The following RPL26L1 variants were observed in gnomAD, a reference collection of about 807,000 sequenced individuals.
RPL26L1 encodes the protein ribosomal protein L26 like 1.
RPL26L1 carries 8 observed loss-of-function variants against 15.2 expected under a neutral mutation model. The observed-to-expected ratio is 0.53, with a 90% CI of 0.31 to 0.95. The LOEUF (loss-of-function observed/expected upper bound fraction) is 0.95, where lower values mean the gene tolerates loss of function less well. Ranked by LOEUF, RPL26L1 falls within the 40% of genes least tolerant of loss-of-function variation. The probability of loss-of-function intolerance (pLI) is 0.05; values close to 1 mark genes in which losing one functional copy is unlikely to be tolerated. For synonymous variants in RPL26L1, 51 were observed against 65.9 expected (o/e 0.77, Z 1.09); for missense variants, 146 against 190.9 (o/e 0.76, Z 1.39).
upstream of RPL26L1, chr5:172,957,306 A>C (rs1230280027): frequency 2.2e-6 from 1 of 456,070 alleles, no homozygotes; most frequent in African/African-American, 2.0e-5. Context: ...AATTTTACTG[A>C]ACCACACAGC....
intron 2 of RPL26L1, among the ~76,000 whole-genome samples, chr5:172,963,349 G>A (rs1161863073): frequency 6.7e-6 from 1 of 149,744 alleles, no homozygotes; most frequent in Non-Finnish European, 1.5e-5. Context: ...ACTCCAGCCT[G>A]GGCAACAGAG....
intron 2 of RPL26L1, among the ~76,000 whole-genome samples, chr5:172,963,606 C>T (rs1056391707): frequency 2.0e-5 from 3 of 152,166 alleles, no homozygotes; most frequent in Non-Finnish European, 2.9e-5. Flanking sequence ...TTCTTCGGGT[C>T]CTACCTTAAA....
chr5:172,969,397 T>C lies in RPL26L1; in HGVS notation c.310-16T>C. On this transcript the variant is annotated splice_polypyrimidine_tract_variant and intron_variant, in intron 3 of 3. Transcript: ENST00000265100. Reference sequence around the variant, plus strand: ...GGGGATGCAGAAATAAAGACCTGTTTTCTCACTCCCAACAGGTGGTTATCA... The same window carrying C: ...GGGGATGCAGAAATAAAGACCTGTTCTCTCACTCCCAACAGGTGGTTATCA... The C allele has an allele frequency of 6.2e-7, 1 of 1,611,858 alleles. No individual in the cohort carries two copies. Among genetic ancestry groups the C allele is most frequent in the African/African-American group, 1.3e-5 (1 of 74,902 alleles).
At chr5:172,961,497 A>G (rs1040379247) in intron 2 of RPL26L1, among the ~76,000 whole-genome samples, 2 of 152,218 alleles carry the variant, frequency 1.3e-5, no homozygotes, top group African/African-American at 4.8e-5. Flanking sequence ...TCCCTAGCCC[A>G]CATTTCCTTC....
chr5:172,966,313 ATTTTTTTTTTTT>A (rs386405707), intron 2 of RPL26L1, among the ~76,000 whole-genome samples: 61 of 63,668 alleles, frequency 9.6e-4, no homozygotes, highest in Admixed American at 8.6e-3. Context: ...CTGGCTAACT[ATTTTTTTTTTTT>A]TTTTTTTTTT....
At chr5:172,956,981 C>A, upstream of RPL26L1, 1 of 341,278 alleles carries the variant, frequency 2.9e-6, no homozygotes, top group Non-Finnish European at 5.8e-6. Context: ...GAGGTAAGTA[C>A]TATCATTATT....
chr5:172,967,890 A>G (rs1300922507), intron 2 of RPL26L1, among the ~76,000 whole-genome samples: 3 of 151,544 alleles, frequency 2.0e-5, no homozygotes, highest in Non-Finnish European at 4.4e-5. Flanking sequence ...ACGTGTATGT[A>G]TATATGACAT....
intron 1 of RPL26L1, 81 bp from the exon 2 acceptor site, chr5:172,959,784 A>T (rs1293558904): frequency 6.9e-7 from 1 of 1,457,910 alleles, no homozygotes; most frequent in Non-Finnish European, 9.6e-7. Flanking sequence ...TTGTTGGGGG[A>T]TGAGGAGTGT....
At chr5:172,965,207 C>T (rs967882731) in intron 2 of RPL26L1, among the ~76,000 whole-genome samples, 1 of 152,018 alleles carries the variant, frequency 6.6e-6, no homozygotes, top group African/African-American at 2.4e-5. Context: ...AAAGAAATAT[C>T]CCTGTTTCTG....
chr5:172,959,719 ATC>A, intron 1 of RPL26L1, 144 bp from the exon 2 acceptor site: 1 of 1,124,370 alleles, frequency 8.9e-7, no homozygotes, highest in Non-Finnish European at 1.3e-6. Context: ...GACTAGTCGC[ATC>A]TCTCTGTCCT....
upstream of RPL26L1, among the ~76,000 whole-genome samples, chr5:172,954,325 C>T (rs149213760): frequency 1.5e-3 from 226 of 152,108 alleles, no homozygotes; most frequent in Middle Eastern, 3.4e-3. Flanking sequence ...ATCCCAGCAC[C>T]GGGAGGCTGA....
At chr5:172,957,164 C>T, upstream of RPL26L1, 2 of 456,100 alleles carry the variant, frequency 4.4e-6, no homozygotes, top group Non-Finnish European at 4.4e-6. Flanking sequence ...CAGACACTTC[C>T]TCTGTGCTAG....
chr5:172,954,783 T>G, upstream of RPL26L1: 1 of 383,316 alleles, frequency 2.6e-6, no homozygotes, highest in Non-Finnish European at 5.2e-6. Context: ...CATACAACAT[T>G]TAAGGGATGG....
chr5:172,968,422 C>T (rs1336709988), intron 2 of RPL26L1, 37 bp from the exon 3 acceptor site: 6 of 1,607,820 alleles, frequency 3.7e-6, no homozygotes, highest in Non-Finnish European at 5.1e-6. Context: ...TCATGCACTA[C>T]AAATGGAGGG....
At chr5:172,958,697 C>T (rs182457895), upstream of RPL26L1, 224 of 239,000 alleles carry the variant, frequency 9.4e-4, 2 homozygotes, top group African/African-American at 4.8e-3. Context: ...GGTTGGGTGG[C>T]GCCCGGGCCT....
At chr5:172,958,525 G>T, upstream of RPL26L1, 1 of 425,166 alleles carries the variant, frequency 2.4e-6, no homozygotes, top group Admixed American at 2.4e-5. Flanking sequence ...AACCCCGTCG[G>T]TTCTTAACCC....
chr5:172,961,209 G>A (rs9784719), intron 2 of RPL26L1, among the ~76,000 whole-genome samples: 17,760 of 152,060 alleles, frequency 0.12, 2,456 homozygotes, highest in African/African-American at 0.33. Flanking sequence ...GAGTTAAGCC[G>A]GAAGTGTGAC....
At position 172,967,101 on chromosome 5, in the gene RPL26L1, G is replaced by T. The variant is rs547217863; in HGVS notation, c.169-1358G>T. Among the ~76,000 whole-genome samples, 3 of 151,744 alleles carry T rather than the reference G, an allele frequency of 2.0e-5. No individual in the cohort carries two copies. The South Asian group carries it at 6.2e-4, about 32-fold the overall frequency. On this transcript the variant is annotated intron_variant, in intron 2 of 3. Transcript: ENST00000265100. Reference sequence around the variant, plus strand: ...GATCTCTTGACCTCATGATCCACCGGCTTTGGCCTCCCAAAGTGCTGGGAT... The same window carrying T: ...GATCTCTTGACCTCATGATCCACCGTCTTTGGCCTCCCAAAGTGCTGGGAT...
Position 172,959,474 on chromosome 5 carries a change from T to G in RPL26L1, c.-10+6T>G. On this transcript the variant is annotated splice_donor_region_variant and intron_variant, in intron 1 of 3. Transcript: ENST00000265100. ...CTGAGGCAGCTAGTAGCCGGGTGAG[T>G]GGAGGCTGGAGTTTTCTCGGACAGT... The G allele has an allele frequency of 9.8e-7, 1 of 1,019,532 alleles. No homozygotes were observed. The highest frequency in any genetic ancestry group is 1.2e-6 in the Non-Finnish European group (1 of 847,436). The allele number at this position is 1,019,532 out of a possible 1,614,324, so 63.2% of individuals were successfully genotyped here. A position where few individuals can be genotyped will look rare whatever the true frequency, so the allele number is the denominator to read the frequency against.
Sources: allele counts gnomAD v4.1 joint callset (sites outside exome capture counted in the v4.1 genomes callset), GRCh38; gene constraint gnomAD v4.1.1; transcripts MANE v1.5; gene names NCBI Gene and HGNC (gene_info 2026-07-23, HGNC 2026-07-21).